The following CISD3 variants were observed in gnomAD, a reference collection of about 807,000 sequenced individuals.
CISD3 encodes CDGSH iron sulfur domain 3, also known as CDGSH iron-sulfur domain-containing protein 3, mitochondrial.
Under a neutral mutation model 14.1 loss-of-function variants are expected in CISD3, and 11 were observed. The ratio of observed to expected loss-of-function variants is 0.78; its 90% CI spans 0.49 to 1.29. The LOEUF is 1.29. Among genes scored for constraint, CISD3 ranks in the 50% most tolerant of loss-of-function variants. CISD3 has a pLI of 0.00. For synonymous variants in CISD3, 53 were observed against 69.2 expected (o/e 0.77, Z 1.16); for missense variants, 156 against 171.6 (o/e 0.91, Z 0.51).
At position 38,735,144 on chromosome 17, in the gene CISD3, G is replaced by C; in HGVS notation, c.*1689G>C. ...AAGGTGGGAAGAGCTGGGGAAAGTAGAAGAGGTGGAAAAAAGGGCCCAGAA... is the reference window on the plus strand; with the variant it reads ...AAGGTGGGAAGAGCTGGGGAAAGTACAAGAGGTGGAAAAAAGGGCCCAGAA... On this transcript the variant is annotated 3_prime_UTR_variant, in exon 4 of 4. Coordinates refer to ENST00000613478, the MANE Select transcript of CISD3 (RefSeq NM_001136498.2). 8.7e-7 allele frequency: 1 copy of C among 1,147,944 alleles called. No homozygotes were observed. The highest frequency in any genetic ancestry group is 1.1e-6 in the Non-Finnish European group (1 of 876,540). 71.1% of individuals were successfully genotyped at this position (1,147,944 alleles called of 1,614,324 possible).
At chr17:38,730,988 C>T in intron 2 of CISD3, 193 bp downstream of exon 2, 1 of 653,340 alleles carries the variant, frequency 1.5e-6, no homozygotes, top group Non-Finnish European at 2.6e-6. Context: ...GACAGCAGCA[C>T]CTAATGAACC....
intron 3 of CISD3, among the ~76,000 whole-genome samples, chr17:38,732,116 G>A (rs905493135): frequency 3.3e-5 from 5 of 152,028 alleles, no homozygotes; most frequent in Non-Finnish European, 5.9e-5. Context: ...GGAGCCTTTC[G>A]TCCCAGCAGG....
Position 38,730,384 on chromosome 17 carries a change from G to A in CISD3, c.26G>A (p.Arg9Gln). The A allele has an allele frequency of 5.8e-6, 7 of 1,202,430 alleles. No individual in the cohort carries two copies. The highest frequency in any genetic ancestry group is 6.2e-6 in the Non-Finnish European group (6 of 969,066). 74.5% of individuals were successfully genotyped at this position (1,202,430 alleles called of 1,614,324 possible). A position where few individuals can be genotyped will look rare whatever the true frequency, so the allele number is the denominator to read the frequency against. ...ATGCGCGGCGCGGGGGCGATCCTGC[G>A]GCCGGCGGCGCGTGGTGCCCGGGTG... MRGAGAIL[R>Q]PAARGARDLN... Residue 9 changes from arginine (R) to glutamine (Q), a missense_variant, in exon 1 of 4, where the codon CGG becomes CAG. Physicochemically the swap from Arg to Gln is conservative, Grantham distance 43 (BLOSUM62 1). Coordinates refer to ENST00000613478, the MANE Select transcript of CISD3 (RefSeq NM_001136498.2).
At chr17:38,730,582 G>T in intron 1 of CISD3, 176 bp downstream of exon 1, 1 of 827,504 alleles carries the variant, frequency 1.2e-6, no homozygotes, top group Non-Finnish European at 1.9e-6. Flanking sequence ...CAGGACCTCC[G>T]CAGCCAGCAC....
intron 3 of CISD3, among the ~76,000 whole-genome samples, chr17:38,732,350 T>C (rs1001230984): frequency 1.3e-5 from 2 of 152,130 alleles, no homozygotes; most frequent in African/African-American, 4.8e-5. Flanking sequence ...GAGGCCTTGG[T>C]TCAGCCAGGC....
At position 38,733,314 on chromosome 17, in the gene CISD3, C is replaced by T. The variant is rs1384385331; in HGVS notation, c.243C>T (p.Gly81=). ...GCTCCCACTTCTTCCAACGCACTGG[C>T]CTATCTCCACTCAAGTTCAAGGCCC... is the stretch of plus-strand genomic sequence containing the variant. ...CDGSHFFQRT[G]LSPLKFKAQE... The change falls in exon 4 of 4, where the codon GGC becomes GGT. Residue 81 remains glycine (G), a synonymous_variant. Transcript: ENST00000613478. 1.3e-6 allele frequency: 2 copies of T among 1,551,628 alleles called. No individual in the cohort carries two copies. The highest frequency in any genetic ancestry group is 2.7e-5 in the African/African-American group (2 of 73,058).
In CISD3 at chr17:38,733,395, C is replaced by T. The variant is rs1323086942; in HGVS notation, c.324C>T (p.Tyr108=). Residue 108 remains tyrosine, a synonymous_variant, in exon 4 of 4, where the codon TAC becomes TAT. Transcript: ENST00000613478. The part of the protein sequence containing the change: ...CTCKATQRPP[Y]CDGTHRSERV... ...GCAAGGCCACTCAGAGGCCCCCGTA[C>T]TGCGATGGCACCCACAGGAGTGAGC... is the stretch of plus-strand genomic sequence containing the variant. 3.9e-6 allele frequency: 6 copies of T among 1,551,520 alleles called. No homozygotes were observed. In the East Asian group the frequency reaches 1.2e-4, roughly 32 times the overall value.
chr17:38,730,419 G>C lies in CISD3; in HGVS notation c.48+13G>C, dbSNP rs1906277987. 7.9e-7 allele frequency: 1 copy of C among 1,264,410 alleles called. No individual in the cohort carries two copies. Among genetic ancestry groups the C allele is most frequent in the South Asian group, 2.5e-5 (1 of 39,670 alleles). The allele number at this position is 1,264,410 out of a possible 1,614,324, so 78.3% of individuals were successfully genotyped here. A position where few individuals can be genotyped will look rare whatever the true frequency, so the allele number is the denominator to read the frequency against. On this transcript the variant is annotated intron_variant, in intron 1 of 3. Coordinates refer to ENST00000613478, the MANE Select transcript of CISD3 (RefSeq NM_001136498.2). ...GCGTGGTGCCCGGGTGAGCACCCCC[G>C]CCCTGCACCAGCCCCCGTCCCGAAC... is the stretch of plus-strand genomic sequence containing the variant.
intron 2 of CISD3, chr17:38,731,099 C>T: frequency 1.5e-6 from 1 of 674,878 alleles, no homozygotes; most frequent in Non-Finnish European, 2.5e-6. Context: ...GCAGCTGGAC[C>T]CTGAAACCTG....
At chr17:38,732,412 C>T (rs1300383567) in intron 3 of CISD3, among the ~76,000 whole-genome samples, 1 of 152,178 alleles carries the variant, frequency 6.6e-6, no homozygotes, top group African/African-American at 2.4e-5. Context: ...GCAGGAGGCT[C>T]TTTTGAGTCC....
Position 38,733,637 on chromosome 17 carries a change from C to A in CISD3, c.*182C>A. On this transcript the variant is annotated 3_prime_UTR_variant, in exon 4 of 4. Coordinates refer to ENST00000613478, the MANE Select transcript of CISD3 (RefSeq NM_001136498.2). The stretch of plus-strand genomic sequence containing the variant: ...CAGTCTGGGGCAGGCGGGAGTGGGC[C>A]CTGGTTCAATGTTTGCTGATGGGGA... The A allele has an allele frequency of 1.6e-6, 1 of 634,938 alleles. No homozygotes were observed. Among genetic ancestry groups the A allele is most frequent in the African/African-American group, 1.9e-5 (1 of 53,272 alleles). 39.3% of individuals were successfully genotyped at this position (634,938 alleles called of 1,614,324 possible).
At position 38,733,817 on chromosome 17, in the gene CISD3, G is replaced by T; in HGVS notation, c.*362G>T. The stretch of plus-strand genomic sequence containing the variant: ...AGGGCAGTTCAGATTCATTCTGTAT[G>T]GGGTCCCCAAGCCAGGCTAAACCCA... On this transcript the variant is annotated 3_prime_UTR_variant, in exon 4 of 4. Transcript: ENST00000613478. 1 of 228,048 alleles carries T rather than the reference G, an allele frequency of 4.4e-6. No individual in the cohort carries two copies. The highest frequency in any genetic ancestry group is 8.5e-6 in the Non-Finnish European group (1 of 117,170). The allele number at this position is 228,048 out of a possible 1,614,324, so 14.1% of individuals were successfully genotyped here. A position where few individuals can be genotyped will look rare whatever the true frequency, so the allele number is the denominator to read the frequency against.
chr17:38,732,508 A>G (rs1906377422), intron 3 of CISD3, among the ~76,000 whole-genome samples: 1 of 152,172 alleles, frequency 6.6e-6, no homozygotes. Flanking sequence ...GCATGGAGGC[A>G]GGCCTGTGTT....
rs977180992 is a variant in CISD3 at position 38,733,508 on chromosome 17, G to T, written c.*53G>T. 8.3e-6 allele frequency: 12 copies of T among 1,452,786 alleles called. No homozygotes were observed. In the African/African-American group the frequency reaches 1.0e-4, roughly 12 times the overall value. The allele number at this position is 1,452,786 out of a possible 1,614,324, so 90.0% of individuals were successfully genotyped here. A position where few individuals can be genotyped will look rare whatever the true frequency, so the allele number is the denominator to read the frequency against. On this transcript the variant is annotated 3_prime_UTR_variant, in exon 4 of 4. Coordinates refer to ENST00000613478, the MANE Select transcript of CISD3 (RefSeq NM_001136498.2). Reference sequence around the variant, plus strand: ...GGCCTTGGCTCCAGGCCTCTGACAGGCACCCCCTTCTGTGGGAAAGGAAAC... The same window carrying T: ...GGCCTTGGCTCCAGGCCTCTGACAGTCACCCCCTTCTGTGGGAAAGGAAAC...
chr17:38,735,204 A>T lies in CISD3; in HGVS notation c.*1749A>T, dbSNP rs141585937. On this transcript the variant is annotated 3_prime_UTR_variant, in exon 4 of 4. Coordinates refer to ENST00000613478, the MANE Select transcript of CISD3 (RefSeq NM_001136498.2). ...GGAGTGGAGAGGCTTGGCTGGAAGA[A>T]GGGAGAGGGTCCCTGGCCTCAAGTT... is the stretch of plus-strand genomic sequence containing the variant. The T allele has an allele frequency of 0.016, 22,139 of 1,384,488 alleles. 230 individuals carry two copies. The highest frequency in any genetic ancestry group is 0.019 in the Non-Finnish European group (19,962 of 1,058,914). The allele number at this position is 1,384,488 out of a possible 1,614,324, so 85.8% of individuals were successfully genotyped here.
chr17:38,730,658 C>A (rs1176598446), intron 1 of CISD3, 102 bp from the exon 2 acceptor site: 1 of 1,230,522 alleles, frequency 8.1e-7, no homozygotes, highest in Non-Finnish European at 1.2e-6. Context: ...GTCACCTCCT[C>A]CTTCCTAGAT....
In CISD3 at chr17:38,731,369, C is replaced by G; in HGVS notation, c.134C>G (p.Thr45Ser). The change falls in exon 3 of 4, where the codon ACC becomes AGC. Residue 45 changes from threonine to serine, a missense_variant. Transcript: ENST00000613478. ...TPARSVVALK[T>S]PIKVELVAGK... ...GCCAGGTCCGTGGTGGCCCTGAAGA[C>G]CCCCATCAAGGTGGAGCTGGTGGCA... 2 of 1,551,660 alleles carry G rather than the reference C, an allele frequency of 1.3e-6. No homozygotes were observed. The highest frequency in any genetic ancestry group is 1.7e-6 in the Non-Finnish European group (2 of 1,146,982).
chr17:38,733,071 C>T (rs573120741), intron 3 of CISD3, among the ~76,000 whole-genome samples: 30 of 152,104 alleles, frequency 2.0e-4, no homozygotes, highest in African/African-American at 6.8e-4. Context: ...AAGTGCATCA[C>T]GATCATATTT....
At chr17:38,730,544 C>A in intron 1 of CISD3, 138 bp downstream of exon 1, 1 of 907,462 alleles carries the variant, frequency 1.1e-6, no homozygotes, top group Non-Finnish European at 1.6e-6. Context: ...CCTCAGCTCA[C>A]AGGCTTTTCC....
Sources: gnomAD v4.1 joint callset for allele counts (sites outside exome capture counted in the v4.1 genomes callset) on GRCh38, gnomAD v4.1.1 for gene constraint, MANE v1.5 for transcripts, NCBI Gene and HGNC (gene_info 2026-07-23, HGNC 2026-07-21) for gene names.